Variants in NAALADL2 observed in about 807,000 individuals in gnomAD.
NAALADL2 encodes the protein inactive N-acetylated-alpha-linked acidic dipeptidase-like protein 2.
Under a neutral mutation model 87.2 loss-of-function variants are expected in NAALADL2, and 76 were observed. The ratio of observed to expected loss-of-function variants is 0.87; its 90% CI spans 0.72 to 1.05. The LOEUF is 1.05. NAALADL2 is among the 50% of genes least tolerant of loss of function. The pLI, the probability that NAALADL2 is intolerant of heterozygous loss-of-function variation, is 0.00. For missense variants in NAALADL2, 1,089 were observed against 945.8 expected (o/e 1.15, Z -1.99); for synonymous variants, 354 against 331.0 (o/e 1.07, Z -0.75).
intron 2 of NAALADL2, among the ~76,000 whole-genome samples, chr3:175,105,549 G>A (rs927625590): frequency 2.3e-5 from 3 of 131,186 alleles, no homozygotes; most frequent in Non-Finnish European, 4.7e-5. Context: ...TTTATATATA[G>A]ATTTATATAT....
intron 5 of NAALADL2, among the ~76,000 whole-genome samples, chr3:175,350,887 TC>T (rs1457955582): frequency 6.6e-6 from 1 of 152,194 alleles, no homozygotes; most frequent in Non-Finnish European, 1.5e-5. Flanking sequence ...AAGAATTCAA[TC>T]TTTTTTTTTC....
At chr3:175,193,494 T>C (rs1379590607) in intron 2 of NAALADL2, among the ~76,000 whole-genome samples, 1 of 151,874 alleles carries the variant, frequency 6.6e-6, no homozygotes, top group Non-Finnish European at 1.5e-5. Context: ...AGACATTTAC[T>C]CATTACATAC....
chr3:175,229,422 T>C (rs1050774297), intron 2 of NAALADL2, among the ~76,000 whole-genome samples: 5 of 152,058 alleles, frequency 3.3e-5, no homozygotes, highest in African/African-American at 9.7e-5. Flanking sequence ...CATATTTTTA[T>C]GTTAACATTG....
chr3:175,199,915 T>G, intron 2 of NAALADL2, among the ~76,000 whole-genome samples: 1 of 125,484 alleles, frequency 8.0e-6, no homozygotes, highest in Non-Finnish European at 1.6e-5. Context: ...TGAAGCAAAG[T>G]TGGTATTCCC....
At chr3:174,992,685 C>A (rs1746898134) in intron 1 of NAALADL2, among the ~76,000 whole-genome samples, 1 of 151,772 alleles carries the variant, frequency 6.6e-6, no homozygotes, top group African/African-American at 2.4e-5. Flanking sequence ...ATTTTCTTTT[C>A]TTGGAAAAAA....
chr3:175,705,689 A>G (rs1739590962), intron 11 of NAALADL2, among the ~76,000 whole-genome samples: 2 of 152,102 alleles, frequency 1.3e-5, no homozygotes, highest in Non-Finnish European at 2.9e-5. Context: ...TATTATTGCC[A>G]CTTTTAAAGA....
intron 12 of NAALADL2, among the ~76,000 whole-genome samples, chr3:175,752,171 A>G (rs902555294): frequency 6.6e-6 from 1 of 152,152 alleles, no homozygotes; most frequent in Non-Finnish European, 1.5e-5. Context: ...TGGGAATACA[A>G]AGAGAAATAA....
At chr3:174,620,921 A>G (rs1000238354) in intron 2 of NAALADL2, among the ~76,000 whole-genome samples, 3 of 152,108 alleles carry the variant, frequency 2.0e-5, no homozygotes, top group Non-Finnish European at 4.4e-5. Flanking sequence ...TAATAAAAAC[A>G]TAATAGGCTA....
chr3:174,478,397 CT>C (rs368127965), intron 1 of NAALADL2, among the ~76,000 whole-genome samples: 21 of 152,106 alleles, frequency 1.4e-4, no homozygotes, highest in African/African-American at 5.1e-4. Flanking sequence ...TACCTAGAAA[CT>C]ATTTGCTATT....
intron 5 of NAALADL2, among the ~76,000 whole-genome samples, chr3:175,348,200 T>C (rs914747736): frequency 6.6e-6 from 1 of 152,040 alleles, no homozygotes; most frequent in African/African-American, 2.4e-5. Flanking sequence ...TACAGTCATG[T>C]GCCACCACGC....
chr3:175,713,509 A>T (rs1209168353), intron 11 of NAALADL2, among the ~76,000 whole-genome samples: 1 of 152,098 alleles, frequency 6.6e-6, no homozygotes, highest in African/African-American at 2.4e-5. Flanking sequence ...TGGCTGCTGA[A>T]ATGTATTTAA....
intron 5 of NAALADL2, among the ~76,000 whole-genome samples, chr3:175,399,342 C>G (rs994109630): frequency 6.6e-6 from 1 of 152,088 alleles, no homozygotes; most frequent in Non-Finnish European, 1.5e-5. Flanking sequence ...GCTAGGAATA[C>G]CTAACTTTCC....
chr3:175,012,955 C>A (rs1390291329), intron 1 of NAALADL2, among the ~76,000 whole-genome samples: 1 of 129,228 alleles, frequency 7.7e-6, no homozygotes, highest in African/African-American at 3.6e-5. Context: ...CCAATATAGC[C>A]TAGATGTGTG....
At chr3:175,220,922 G>A (rs570017924) in intron 2 of NAALADL2, among the ~76,000 whole-genome samples, 3 of 152,224 alleles carry the variant, frequency 2.0e-5, no homozygotes, top group South Asian at 4.1e-4. Context: ...TAGGCTGGGC[G>A]TGGTGGCTCA....
chr3:175,771,570 G>A (rs892155755), intron 13 of NAALADL2, among the ~76,000 whole-genome samples: 33 of 152,090 alleles, frequency 2.2e-4, no homozygotes, highest in African/African-American at 7.7e-4. Context: ...CGTTCCCTGT[G>A]GCTGTGGCAT....
At chr3:175,424,540 G>C (rs965624244) in intron 5 of NAALADL2, among the ~76,000 whole-genome samples, 2 of 152,024 alleles carry the variant, frequency 1.3e-5, no homozygotes, top group Non-Finnish European at 2.9e-5. Flanking sequence ...TCTTGTTTTT[G>C]TCAGGTTTGT....
At chr3:174,772,139 A>G (rs767884146) in intron 3 of NAALADL2, among the ~76,000 whole-genome samples, 4 of 152,212 alleles carry the variant, frequency 2.6e-5, no homozygotes, top group Non-Finnish European at 5.9e-5. Flanking sequence ...ATAGAAATAA[A>G]TCAGTGGGTT....
chr3:174,921,072 A>G (rs1027306220), intron 1 of NAALADL2, among the ~76,000 whole-genome samples: 4 of 152,222 alleles, frequency 2.6e-5, no homozygotes, highest in South Asian at 4.1e-4. Context: ...TATAATAATA[A>G]TGAAGAAACT....
intron 12 of NAALADL2, among the ~76,000 whole-genome samples, chr3:175,749,339 C>G (rs1297899438): frequency 6.6e-6 from 1 of 152,024 alleles, no homozygotes; most frequent in African/African-American, 2.4e-5. Context: ...AACTAATTGT[C>G]TTAGTTCATT....
Sources: gnomAD v4.1 joint callset for allele counts (sites outside exome capture counted in the v4.1 genomes callset) on GRCh38, gnomAD v4.1.1 for gene constraint, MANE v1.5 for transcripts, NCBI Gene and HGNC (gene_info 2026-07-23, HGNC 2026-07-21) for gene names.